PRKN: variants seen among roughly 807,000 people sequenced by gnomAD.
The protein encoded by PRKN is parkin RBR E3 ubiquitin protein ligase, also known as E3 ubiquitin-protein ligase parkin.
Under a neutral mutation model 59.5 loss-of-function variants are expected in PRKN, and 56 were observed. The ratio of observed to expected loss-of-function variants is 0.94; its 90% CI spans 0.76 to 1.18. PRKN has a LOEUF of 1.18. Ranked by LOEUF, PRKN falls within the 50% of genes most tolerant of loss-of-function variation. The probability of loss-of-function intolerance (pLI) is 0.00; values close to 1 mark genes in which losing one functional copy is unlikely to be tolerated. For synonymous variants in PRKN, 250 were observed against 222.1 expected, an observed-to-expected ratio of 1.13 and a Z score of -1.12; for missense variants, 657 against 596.4, an observed-to-expected ratio of 1.10 and a Z score of -1.06.
At chr6:162,063,270 A>G (rs1010168751) in intron 4 of PRKN, among the ~76,000 whole-genome samples, 2 of 152,244 alleles carry the variant, frequency 1.3e-5, no homozygotes, top group African/African-American at 4.8e-5. Context: ...CATTAATAAT[A>G]CAGACATAAA....
At chr6:161,594,108 A>G (rs1562547921) in intron 7 of PRKN, among the ~76,000 whole-genome samples, 1 of 152,166 alleles carries the variant, frequency 6.6e-6, no homozygotes. Context: ...GGTTGCAGTG[A>G]GCCAAGACCA....
rs1426088883 is a variant in PRKN at position 161,357,794 on chromosome 6, T to C, written c.1285+2294A>G. Among the ~76,000 whole-genome samples the C allele has an allele frequency of 2.0e-5, 3 of 152,256 alleles. No homozygotes were observed. The highest frequency in any genetic ancestry group is 2.9e-5 in the Non-Finnish European group (2 of 68,044). On this transcript the variant is annotated intron_variant, in intron 11 of 11. Transcript: ENST00000366898. This position sits in a 1 kb window ranked among gnomAD's most constrained non-coding sequence, Gnocchi z 5.5. Reference sequence around the variant, plus strand: ...AGGATGGATGTAAACCTTTCCGCCATGCCTTCATAACCTTCATCCACACGA... The same window carrying C: ...AGGATGGATGTAAACCTTTCCGCCACGCCTTCATAACCTTCATCCACACGA...
chr6:161,449,750 A>G (rs1235674588), intron 9 of PRKN, among the ~76,000 whole-genome samples: 6 of 152,206 alleles, frequency 3.9e-5, no homozygotes, highest in Non-Finnish European at 7.3e-5. Context: ...GGCACTGACT[A>G]GACTTCCGTA....
At chr6:161,450,732 T>G (rs946478148) in intron 9 of PRKN, among the ~76,000 whole-genome samples, 5 of 152,132 alleles carry the variant, frequency 3.3e-5, no homozygotes, top group African/African-American at 9.7e-5. Flanking sequence ...AATTTTTGTA[T>G]TTTTAGTAGA....
At chr6:162,478,948 G>A (rs1011187695) in intron 1 of PRKN, among the ~76,000 whole-genome samples, 1 of 152,102 alleles carries the variant, frequency 6.6e-6, no homozygotes, top group Non-Finnish European at 1.5e-5. Flanking sequence ...CGAGTGAATG[G>A]GAAGACCTAG....
At chr6:162,543,483 GC>G (rs1562370680) in intron 1 of PRKN, among the ~76,000 whole-genome samples, 1 of 151,794 alleles carries the variant, frequency 6.6e-6, no homozygotes, top group East Asian at 1.9e-4. Flanking sequence ...CCTCTTCCCA[GC>G]CCAATCCTAA....
intron 5 of PRKN, among the ~76,000 whole-genome samples, chr6:162,000,194 A>G (rs1049342258): frequency 1.3e-5 from 2 of 152,040 alleles, no homozygotes; most frequent in Admixed American, 1.3e-4. Context: ...TGGTAAGACT[A>G]TGTTTAGTTT....
rs71643580 is a variant in PRKN, at chr6:162,034,186, TAGAGAGAGAGAGAG to T, written c.618+19891_618+19904del. The stretch of plus-strand genomic sequence containing the variant: ...ACACATACATATATATATATATATA[TAGAGAGAGAGAGAG>T]AGAGAGAGAGAGAGAGAGAGTGTCT... On this transcript the variant is annotated intron_variant, in intron 5 of 11. Coordinates refer to ENST00000366898, the MANE Select transcript of PRKN (RefSeq NM_004562.3). Among the ~76,000 whole-genome samples, 13 of 133,300 alleles carry T rather than the reference TAGAGAGAGAGAGAG, an allele frequency of 9.8e-5. No individual in the cohort carries two copies. The South Asian group carries it at 2.4e-3, about 25-fold the overall frequency. 87.4% of individuals were successfully genotyped at this position (133,300 alleles called of 152,430 possible).
chr6:161,744,488 G>T (rs760397109), intron 7 of PRKN, among the ~76,000 whole-genome samples: 3 of 152,106 alleles, frequency 2.0e-5, no homozygotes, highest in Non-Finnish European at 4.4e-5. Context: ...TTCCCAACAG[G>T]CCATGAACCA....
At position 161,785,017 on chromosome 6, in the gene PRKN, C is replaced by T. The variant is rs145491573; in HGVS notation, c.871+755G>A. Among the ~76,000 whole-genome samples, 221 of 152,220 alleles carry T rather than the reference C, an allele frequency of 1.5e-3. 1 individual carries two copies. Among genetic ancestry groups the T allele is most frequent in the African/African-American group, 5.2e-3 (217 of 41,532 alleles). Reference sequence around the variant, plus strand: ...GAAATAAGGCAGACACGAAAGGTCACCTATTGTACGATTTCTTTTATAGGA... The same window carrying T: ...GAAATAAGGCAGACACGAAAGGTCATCTATTGTACGATTTCTTTTATAGGA... On this transcript the variant is annotated intron_variant, in intron 7 of 11. Transcript: ENST00000366898.
At chr6:162,246,800 A>C (rs911274853) in intron 3 of PRKN, among the ~76,000 whole-genome samples, 1 of 152,128 alleles carries the variant, frequency 6.6e-6, no homozygotes, top group Non-Finnish European at 1.5e-5. Context: ...CAGTGACATA[A>C]TTTTAAAGTT....
intron 9 of PRKN, among the ~76,000 whole-genome samples, chr6:161,482,010 G>A (rs1791425623): frequency 7.2e-6 from 1 of 139,202 alleles, no homozygotes; most frequent in South Asian, 2.7e-4. Context: ...TCATTTTGCG[G>A]GGGGTGGGGG....
chr6:161,712,249 A>G (rs184496133), intron 7 of PRKN, among the ~76,000 whole-genome samples: 71 of 152,322 alleles, frequency 4.7e-4, no homozygotes, highest in Non-Finnish European at 8.8e-4. Context: ...TAATGGAGTC[A>G]CTACTGACAC....
At chr6:162,195,022 G>A (rs1046058374) in intron 4 of PRKN, among the ~76,000 whole-genome samples, 3 of 152,148 alleles carry the variant, frequency 2.0e-5, no homozygotes, top group Non-Finnish European at 4.4e-5. Flanking sequence ...GGCCACCCTG[G>A]CTTTGGTAGA....
chr6:162,596,948 A>C (rs777904362), intron 1 of PRKN, among the ~76,000 whole-genome samples: 6 of 152,186 alleles, frequency 3.9e-5, no homozygotes, highest in Non-Finnish European at 7.3e-5. Context: ...GCAGAAAGAC[A>C]CTATACTAGT....
chr6:161,494,461 A>G (rs1235188794), intron 9 of PRKN, among the ~76,000 whole-genome samples: 2 of 152,230 alleles, frequency 1.3e-5, no homozygotes, highest in Non-Finnish European at 2.9e-5. Flanking sequence ...ACCTTGTGTT[A>G]CTTACATTCT....
rs146272293 is a variant in PRKN, at chr6:162,274,713, C to T, written c.172-11948G>A. Among the ~76,000 whole-genome samples the T allele has an allele frequency of 2.0e-5, 3 of 152,292 alleles. No homozygotes were observed. In the East Asian group the frequency reaches 5.8e-4, roughly 29 times the overall value. ...TGGGTTAATCCATTGTAGAATTTCT[C>T]ATAATCTAAATTTTGCCAGTTGCAT... is the stretch of plus-strand genomic sequence containing the variant. On this transcript the variant is annotated intron_variant, in intron 2 of 11. Transcript: ENST00000366898.
At chr6:162,118,828 G>C (rs910422248) in intron 4 of PRKN, among the ~76,000 whole-genome samples, 3 of 152,202 alleles carry the variant, frequency 2.0e-5, no homozygotes, top group Non-Finnish European at 4.4e-5. Context: ...GAGGTGTCCT[G>C]GCCTTTGAAC....
chr6:161,552,837 C>A lies in PRKN; in HGVS notation c.934-3834G>T, dbSNP rs145674558. On this transcript the variant is annotated intron_variant, in intron 8 of 11. Transcript: ENST00000366898. This position sits in a 1 kb window ranked among gnomAD's most constrained non-coding sequence, Gnocchi z 4.9. ...TAGACGGAGTCTCGTTGTTACGCGG[C>A]TGGAGTACAGTGGCGCAATCTCGGC... Among the ~76,000 whole-genome samples, 1,200 of 147,930 alleles carry A rather than the reference C, an allele frequency of 8.1e-3. 25 individuals are homozygous for A. The highest frequency in any genetic ancestry group is 0.029 in the African/African-American group (1,155 of 40,286).
Sources: gnomAD v4.1 joint callset for allele counts (sites outside exome capture counted in the v4.1 genomes callset) on GRCh38, gnomAD v4.1.1 for gene constraint, Gnocchi (gnomAD v3.1) non-coding constraint, MANE v1.5 for transcripts, NCBI Gene and HGNC (gene_info 2026-07-23, HGNC 2026-07-21) for gene names.